Variants in TESC observed in about 807,000 individuals in gnomAD.
TESC encodes the protein tescalcin.
Under a neutral mutation model 31.0 loss-of-function variants are expected in TESC, and 19 were observed. That is an observed-to-expected ratio of 0.61 (90% CI 0.43 to 0.90). TESC has a LOEUF of 0.90. Among genes scored for constraint, TESC ranks in the 40% least tolerant of loss-of-function variants. TESC has a pLI of 0.00. For missense variants in TESC, 248 were observed against 303.8 expected, an observed-to-expected ratio of 0.82 and a Z score of 1.36; for synonymous variants, 109 against 114.8, an observed-to-expected ratio of 0.95 and a Z score of 0.32.
chr12:117,082,839 C>T (rs915868232), intron 1 of TESC, among the ~76,000 whole-genome samples: 3 of 152,018 alleles, frequency 2.0e-5, no homozygotes, highest in Non-Finnish European at 2.9e-5. Flanking sequence ...GTTATCTGTC[C>T]CTTAACTTTT....
intron 6 of TESC, among the ~76,000 whole-genome samples, chr12:117,045,443 A>C (rs1954543767): frequency 6.6e-6 from 1 of 152,220 alleles, no homozygotes; most frequent in Non-Finnish European, 1.5e-5. Context: ...TCAAATGGGA[A>C]TTTGGCCCGA....
chr12:117,086,262 A>G (rs1467726572), intron 1 of TESC, among the ~76,000 whole-genome samples: 1 of 148,082 alleles, frequency 6.8e-6, no homozygotes, highest in Non-Finnish European at 1.5e-5. Flanking sequence ...TGAATTATAC[A>G]CTTTAATTTT....
intron 1 of TESC, among the ~76,000 whole-genome samples, chr12:117,079,455 G>A (rs1270801219): frequency 6.6e-6 from 1 of 152,102 alleles, no homozygotes; most frequent in Non-Finnish European, 1.5e-5. Flanking sequence ...CCAGCTACTT[G>A]GGAGGCTGAG....
intron 2 of TESC, among the ~76,000 whole-genome samples, chr12:117,068,003 C>A (rs1380925341): frequency 1.3e-5 from 2 of 152,158 alleles, no homozygotes; most frequent in Non-Finnish European, 2.9e-5. Context: ...ACAATCTTCC[C>A]ACCTCAGCCT....
At chr12:117,074,945 A>C (rs1196403731) in intron 2 of TESC, among the ~76,000 whole-genome samples, 1 of 152,076 alleles carries the variant, frequency 6.6e-6, no homozygotes, top group Non-Finnish European at 1.5e-5. Context: ...AGGAGATCGA[A>C]ACCATCCTGG....
chr12:117,059,524 A>G (rs1319051131), intron 2 of TESC, among the ~76,000 whole-genome samples: 1 of 152,226 alleles, frequency 6.6e-6, no homozygotes, highest in African/African-American at 2.4e-5. Context: ...GGAAAAAAAA[A>G]TAAGATTATT....
At chr12:117,044,089 T>A (rs1954522558) in intron 6 of TESC, among the ~76,000 whole-genome samples, 1 of 151,916 alleles carries the variant, frequency 6.6e-6, no homozygotes, top group Non-Finnish European at 1.5e-5. Flanking sequence ...TAGCAAAACA[T>A]CTCTTTTTTA....
intron 3 of TESC, among the ~76,000 whole-genome samples, chr12:117,049,763 T>C (rs1042050473): frequency 2.6e-5 from 4 of 152,040 alleles, no homozygotes; most frequent in Admixed American, 1.3e-4. Context: ...TAGCTGGGCA[T>C]GGTGGTGTGC....
chr12:117,049,262 AC>A, intron 3 of TESC, 104 bp from the exon 4 acceptor site: 1 of 1,510,784 alleles, frequency 6.6e-7, no homozygotes, highest in Non-Finnish European at 9.0e-7. Context: ...TGCACACTGG[AC>A]CCACGATGGC....
intron 4 of TESC, 138 bp downstream of exon 4, chr12:117,048,881 G>A (rs1954605939): frequency 1.8e-5 from 24 of 1,351,186 alleles, no homozygotes; most frequent in Middle Eastern, 3.5e-4. Context: ...AGGGACGAGG[G>A]CTGGTGGCCC....
chr12:117,061,655 C>T (rs1172108833), intron 2 of TESC, among the ~76,000 whole-genome samples: 1 of 152,000 alleles, frequency 6.6e-6, no homozygotes, highest in Non-Finnish European at 1.5e-5. Flanking sequence ...CCTCTGCTCT[C>T]TCTCTCTCTC....
intron 1 of TESC, among the ~76,000 whole-genome samples, chr12:117,086,157 G>A (rs1955216886): frequency 6.6e-6 from 1 of 152,194 alleles, no homozygotes; most frequent in Non-Finnish European, 1.5e-5. Context: ...GGGAGTGACT[G>A]CTAATGGGTA....
intron 1 of TESC, among the ~76,000 whole-genome samples, chr12:117,077,873 G>T (rs955326143): frequency 3.3e-5 from 5 of 152,042 alleles, no homozygotes; most frequent in African/African-American, 1.2e-4. Context: ...TTACATAGTC[G>T]TGTTCTCGGA....
At chr12:117,065,238 G>C (rs187094901) in intron 2 of TESC, among the ~76,000 whole-genome samples, 1 of 152,322 alleles carries the variant, frequency 6.6e-6, no homozygotes, top group African/African-American at 2.4e-5. Context: ...CCAGGGAGGA[G>C]GCTGTTGGGG....
intron 1 of TESC, among the ~76,000 whole-genome samples, chr12:117,080,748 C>T (rs765276961): frequency 3.6e-4 from 55 of 152,332 alleles, no homozygotes; most frequent in African/African-American, 9.4e-4. Context: ...CTCCTAACTG[C>T]GCCCCCCCAA....
chr12:117,046,669 G>T lies in TESC; in HGVS notation c.412-3C>A. ...CCCGACAGCAGCTCCTCGACCACCT[G>T]CCAGGTGGGGCGGAAACAAACGGTG... is the stretch of plus-strand genomic sequence containing the variant. On this transcript the variant is annotated splice_polypyrimidine_tract_variant and splice_region_variant and intron_variant, in intron 5 of 7. Transcript: ENST00000335209. 6.4e-7 allele frequency: 1 copy of T among 1,552,152 alleles called. No homozygotes were observed. The highest frequency in any genetic ancestry group is 1.2e-5 in the South Asian group (1 of 84,086).
At position 117,041,913 on chromosome 12, in the gene TESC, G is replaced by A. The variant is rs771430931; in HGVS notation, c.567+34C>T. The A allele has an allele frequency of 4.5e-6, 7 of 1,561,964 alleles. No homozygotes were observed. The East Asian group carries it at 1.2e-4, about 27-fold the overall frequency. On this transcript the variant is annotated intron_variant, in intron 7 of 7. Transcript: ENST00000335209. Reference sequence around the variant, plus strand: ...CAGTGGGCCACACGAGGTCTTCAAGGGTCCCCCGAGGCTCCCACGCCCAGG... The same window carrying A: ...CAGTGGGCCACACGAGGTCTTCAAGAGTCCCCCGAGGCTCCCACGCCCAGG...
At position 117,063,400 on chromosome 12, in the gene TESC, G is replaced by A. The variant is rs550449046; in HGVS notation, c.129-6514C>T. Among the ~76,000 whole-genome samples the A allele has an allele frequency of 2.0e-5, 3 of 152,322 alleles. No individual in the cohort carries two copies. In the South Asian group the frequency reaches 6.2e-4, roughly 32 times the overall value. Reference sequence around the variant, plus strand: ...GACCCAGGAAGAGGGCAGGACAAGCGTCAGGCCAACAAGAAGGGAAGGACC... The same window carrying A: ...GACCCAGGAAGAGGGCAGGACAAGCATCAGGCCAACAAGAAGGGAAGGACC... On this transcript the variant is annotated intron_variant, in intron 2 of 7. Transcript: ENST00000335209.
intron 1 of TESC, among the ~76,000 whole-genome samples, chr12:117,096,273 C>T (rs1240523382): frequency 1.3e-5 from 2 of 152,192 alleles, no homozygotes; most frequent in African/African-American, 2.4e-5. Flanking sequence ...TCAGTCTGTC[C>T]TCTGGCCACC....
Sources: allele counts gnomAD v4.1 joint callset (sites outside exome capture counted in the v4.1 genomes callset), GRCh38; gene constraint gnomAD v4.1.1; transcripts MANE v1.5; gene names NCBI Gene and HGNC (gene_info 2026-07-23, HGNC 2026-07-21).